ZNF827: variants seen among roughly 807,000 people sequenced by gnomAD.
ZNF827 encodes zinc finger protein 827.
Under a neutral mutation model 102.4 loss-of-function variants are expected in ZNF827, and 13 were observed. The ratio of observed to expected loss-of-function variants is 0.13; its 90% CI spans 0.08 to 0.20. The LOEUF (loss-of-function observed/expected upper bound fraction) is 0.20. ZNF827 is among the 10% of genes least tolerant of loss of function. The pLI is 1.00. For missense variants in ZNF827, 1,103 were observed against 1,344.4 expected, an observed-to-expected ratio of 0.82 and a Z score of 2.81; for synonymous variants, 523 against 536.2, an observed-to-expected ratio of 0.98 and a Z score of 0.34.
chr4:145,840,328 C>T (rs147708859), intron 7 of ZNF827, among the ~76,000 whole-genome samples: 3 of 152,366 alleles, frequency 2.0e-5, no homozygotes, highest in Non-Finnish European at 4.4e-5. Context: ...GCATGATTAA[C>T]GTCACAGACA....
intron 1 of ZNF827, among the ~76,000 whole-genome samples, chr4:145,914,116 G>A (rs1752498724): frequency 6.6e-6 from 1 of 151,208 alleles, no homozygotes. Context: ...GATGTACCTT[G>A]TAATAAACAT....
At chr4:145,927,466 T>C (rs1189446829) in intron 1 of ZNF827, among the ~76,000 whole-genome samples, 1 of 152,184 alleles carries the variant, frequency 6.6e-6, no homozygotes, top group Non-Finnish European at 1.5e-5. Context: ...GGAAGATACA[T>C]TTGATTTGAT....
intron 8 of ZNF827, among the ~76,000 whole-genome samples, chr4:145,815,093 G>C (rs1265686961): frequency 6.6e-6 from 1 of 152,186 alleles, no homozygotes; most frequent in African/African-American, 2.4e-5. Context: ...AGAAAAATAG[G>C]AGAGGAGGGT....
chr4:145,937,548 G>GC (rs1424055970), intron 1 of ZNF827, among the ~76,000 whole-genome samples: 1 of 146,292 alleles, frequency 6.8e-6, no homozygotes, highest in Admixed American at 6.8e-5. Context: ...GCCCGGCCTC[G>GC]CCCCCCGCCC....
intron 9 of ZNF827, among the ~76,000 whole-genome samples, chr4:145,779,136 A>T (rs1480783321): frequency 6.6e-6 from 1 of 152,222 alleles, no homozygotes; most frequent in Non-Finnish European, 1.5e-5. Flanking sequence ...TTACCTGAAT[A>T]AACCTAAATT....
chr4:145,937,764 G>C (rs1442699543), intron 1 of ZNF827, among the ~76,000 whole-genome samples: 1 of 137,318 alleles, frequency 7.3e-6, no homozygotes, highest in Non-Finnish European at 1.6e-5. Context: ...CGCTGCCGCC[G>C]GCGGCTCGGG....
Position 145,762,165 on chromosome 4 carries a change from G to A in ZNF827, c.*18-567C>T, listed in dbSNP as rs143370967. On this transcript the variant is annotated intron_variant, in intron 14 of 14. Coordinates refer to ENST00000508784, the MANE Select transcript of ZNF827 (RefSeq NM_001306215.2). The surrounding 1 kb of genome is among the most constrained non-coding windows in gnomAD (Gnocchi z 4.9). ...ATTAAGGGTTTGTTAGGATGAGAAGGCCTGTGTGTGTCTCTCTGTGTGAGT... is the reference window on the plus strand; with the variant it reads ...ATTAAGGGTTTGTTAGGATGAGAAGACCTGTGTGTGTCTCTCTGTGTGAGT... Among the ~76,000 whole-genome samples, 101 of 152,224 alleles carry A rather than the reference G, an allele frequency of 6.6e-4. 1 individual carries two copies. In the East Asian group the frequency reaches 0.02, roughly 29 times the overall value.
intron 6 of ZNF827, among the ~76,000 whole-genome samples, chr4:145,846,911 T>C (rs1052614731): frequency 1.0e-4 from 15 of 148,324 alleles, no homozygotes; most frequent in Non-Finnish European, 1.6e-4. Context: ...CCCAGCACTT[T>C]GGGAGGCCGA....
At chr4:145,861,528 C>T (rs539764004) in intron 5 of ZNF827, among the ~76,000 whole-genome samples, 2 of 152,176 alleles carry the variant, frequency 1.3e-5, no homozygotes, top group Admixed American at 1.3e-4. Context: ...GCGGCCTCTC[C>T]GTTTGTGCCC....
intron 1 of ZNF827, among the ~76,000 whole-genome samples, chr4:145,913,939 A>AC (rs1458744979): frequency 1.4e-4 from 22 of 152,170 alleles, no homozygotes; most frequent in Non-Finnish European, 7.3e-5. Context: ...AAAAATGAAC[A>AC]CCCCCAATAG....
intron 1 of ZNF827, among the ~76,000 whole-genome samples, chr4:145,911,608 AGTTT>A (rs1260353720): frequency 6.6e-6 from 1 of 152,220 alleles, no homozygotes; most frequent in Non-Finnish European, 1.5e-5. Flanking sequence ...TTATACTTGA[AGTTT>A]GTTATATGAA....
chr4:145,771,617 A>G (rs1317971931), intron 11 of ZNF827, among the ~76,000 whole-genome samples: 1 of 152,248 alleles, frequency 6.6e-6, no homozygotes, highest in African/African-American at 2.4e-5. Context: ...AAAGAAGGTG[A>G]GGAGGGATCA....
intron 4 of ZNF827, chr4:145,870,698 A>T (rs4835263): frequency 0.21 from 96,105 of 468,432 alleles, 11,162 homozygotes; most frequent in East Asian, 0.4. Context: ...TTTGAACCTA[A>T]AATATTTTAA....
At chr4:145,913,653 C>T (rs559096045) in intron 1 of ZNF827, among the ~76,000 whole-genome samples, 38 of 152,166 alleles carry the variant, frequency 2.5e-4, no homozygotes, top group Non-Finnish European at 4.3e-4. Context: ...TGATTACTTG[C>T]TCCCTTACCC....
chr4:145,908,870 A>G (rs750424983), intron 1 of ZNF827, among the ~76,000 whole-genome samples: 14 of 152,214 alleles, frequency 9.2e-5, no homozygotes, highest in Non-Finnish European at 1.8e-4. Context: ...TGTAAGCACA[A>G]AAGAGGGAAT....
At chr4:145,764,514 A>G (rs1334297546) in intron 13 of ZNF827, among the ~76,000 whole-genome samples, 3 of 152,194 alleles carry the variant, frequency 2.0e-5, no homozygotes, top group Non-Finnish European at 4.4e-5. Context: ...CGTTGCATGA[A>G]AAATGTTGCT....
At chr4:145,878,399 G>A (rs948737701) in intron 4 of ZNF827, among the ~76,000 whole-genome samples, 3 of 152,094 alleles carry the variant, frequency 2.0e-5, no homozygotes, top group Non-Finnish European at 2.9e-5. Flanking sequence ...GAAGTGGAGA[G>A]ATAGTTACTG....
intron 6 of ZNF827, among the ~76,000 whole-genome samples, chr4:145,848,166 C>T (rs567849070): frequency 1.6e-4 from 24 of 152,286 alleles, no homozygotes; most frequent in African/African-American, 5.3e-4. Flanking sequence ...TTTAGATAAG[C>T]TTCATCCTTC....
intron 2 of ZNF827, among the ~76,000 whole-genome samples, chr4:145,895,559 A>C (rs1231393429): frequency 6.6e-6 from 1 of 152,240 alleles, no homozygotes; most frequent in Non-Finnish European, 1.5e-5. Flanking sequence ...TGAAATTTTT[A>C]ACTGATCACA....
Sources: gnomAD v4.1 joint callset for allele counts (sites outside exome capture counted in the v4.1 genomes callset) on GRCh38, gnomAD v4.1.1 for gene constraint, Gnocchi (gnomAD v3.1) non-coding constraint, MANE v1.5 for transcripts, NCBI Gene and HGNC (gene_info 2026-07-23, HGNC 2026-07-21) for gene names.